The following STK39 variants were observed in gnomAD, a reference collection of about 807,000 sequenced individuals.
STK39 encodes the protein serine/threonine kinase 39, also known as STE20/SPS1-related proline-alanine-rich protein kinase.
STK39 carries 20 observed loss-of-function variants against 77.8 expected under a neutral mutation model. The observed-to-expected ratio is 0.26, with a 90% CI of 0.18 to 0.37. The LOEUF is 0.37. Ranked by LOEUF, STK39 falls within the 10% of genes least tolerant of loss-of-function variation. STK39 has a pLI of 1.00. For missense variants in STK39, 479 were observed against 656.5 expected (o/e 0.73, Z 2.95); for synonymous variants, 246 against 234.1 (o/e 1.05, Z -0.47).
intron 1 of STK39, among the ~76,000 whole-genome samples, chr2:168,198,397 A>G (rs1415062990): frequency 1.3e-5 from 2 of 152,166 alleles, no homozygotes; most frequent in Non-Finnish European, 2.9e-5. Context: ...AATAATTTCA[A>G]AGGGATAACC....
Position 168,191,137 on chromosome 2 carries a change from C to A in STK39, c.209-9047G>T, listed in dbSNP as rs576828835. Among the ~76,000 whole-genome samples the A allele has an allele frequency of 8.2e-4, 125 of 152,320 alleles. 1 individual carries two copies. Among genetic ancestry groups the A allele is most frequent in the South Asian group, 2.3e-3 (11 of 4,830 alleles). On this transcript the variant is annotated intron_variant, in intron 1 of 17. Transcript: ENST00000355999. ...CCCTACTTCCAGGTCAGTCCCACTC[C>A]ATCCCTTCTTTGCAGCTATAGGCAC...
intron 5 of STK39, among the ~76,000 whole-genome samples, chr2:168,153,425 T>TA (rs1287442036): frequency 6.6e-6 from 1 of 152,158 alleles, no homozygotes; most frequent in East Asian, 1.9e-4. Flanking sequence ...TCAGAACCCT[T>TA]AGAGGGCTTC....
At chr2:168,021,001 T>C (rs1684555871) in intron 14 of STK39, among the ~76,000 whole-genome samples, 2 of 152,172 alleles carry the variant, frequency 1.3e-5, no homozygotes, top group Admixed American at 6.6e-5. Context: ...CAAACTAAAG[T>C]AGTCCAATAA....
chr2:168,197,606 T>C (rs981262340), intron 1 of STK39, among the ~76,000 whole-genome samples: 1 of 152,250 alleles, frequency 6.6e-6, no homozygotes, highest in Admixed American at 6.5e-5. Flanking sequence ...TATTCATGTG[T>C]ACTGCCCTCC....
At chr2:168,018,542 G>GAAAGAAAGAA (rs1684482221) in intron 14 of STK39, among the ~76,000 whole-genome samples, 1 of 95,074 alleles carries the variant, frequency 1.1e-5, no homozygotes, top group Admixed American at 1.2e-4. Flanking sequence ...AGAAAGAAAA[G>GAAAGAAAGAA]AAAGAAAGAA....
intron 14 of STK39, among the ~76,000 whole-genome samples, chr2:168,026,038 G>A (rs901065784): frequency 1.3e-5 from 2 of 152,220 alleles, no homozygotes; most frequent in African/African-American, 4.8e-5. Flanking sequence ...TTAACAAGCT[G>A]TGTGAAAACA....
chr2:168,240,886 A>C (rs6710621), intron 1 of STK39, among the ~76,000 whole-genome samples: 1,733 of 152,324 alleles, frequency 0.011, 36 homozygotes, highest in African/African-American at 0.039. Context: ...TGCCTTTCCA[A>C]AAGGAGAATG....
At chr2:168,231,656 C>T (rs1690458749) in intron 1 of STK39, among the ~76,000 whole-genome samples, 1 of 151,962 alleles carries the variant, frequency 6.6e-6, no homozygotes, top group Non-Finnish European at 1.5e-5. Flanking sequence ...GAGAACAGAT[C>T]TTTGCTTCTC....
intron 14 of STK39, among the ~76,000 whole-genome samples, chr2:168,054,889 A>G (rs1416333208): frequency 6.6e-6 from 1 of 152,154 alleles, no homozygotes; most frequent in African/African-American, 2.4e-5. Flanking sequence ...CTAACTACCC[A>G]TAGCTTCTTA....
At chr2:168,103,759 C>T (rs1339616454) in intron 10 of STK39, among the ~76,000 whole-genome samples, 3 of 152,134 alleles carry the variant, frequency 2.0e-5, no homozygotes, top group Admixed American at 2.0e-4. Context: ...TGACAGCTTC[C>T]TAAGAAAAAG....
chr2:168,068,080 C>T (rs1270637486), intron 12 of STK39, among the ~76,000 whole-genome samples: 5 of 152,144 alleles, frequency 3.3e-5, no homozygotes, highest in South Asian at 2.1e-4. Context: ...TACACTATTA[C>T]GAGAACAGTA....
At chr2:168,074,529 G>C (rs1001037558) in intron 12 of STK39, among the ~76,000 whole-genome samples, 10 of 152,172 alleles carry the variant, frequency 6.6e-5, no homozygotes. Flanking sequence ...TAAAAACCAA[G>C]ACCAACAGAC....
chr2:168,066,092 T>C (rs1420782183), intron 12 of STK39, among the ~76,000 whole-genome samples: 2 of 152,194 alleles, frequency 1.3e-5, no homozygotes, highest in Non-Finnish European at 2.9e-5. Context: ...AAGGTTCTCC[T>C]ATTTCTAAAC....
chr2:168,157,115 G>C (rs573155453), intron 5 of STK39, among the ~76,000 whole-genome samples: 2 of 152,280 alleles, frequency 1.3e-5, no homozygotes, highest in South Asian at 4.1e-4. Context: ...TTCATTGCAT[G>C]TTTTCCTAGC....
rs201523025 is a variant in STK39 at position 167,955,441 on chromosome 2, G to A, written c.*55C>T. On this transcript the variant is annotated 3_prime_UTR_variant, in exon 18 of 18. Transcript: ENST00000355999. ...TGGGCAGAAAGAGGGAGGGTTGAAGGGAGTAGGGGTGGCGGTGGGGCATGA... is the reference window on the plus strand; with the variant it reads ...TGGGCAGAAAGAGGGAGGGTTGAAGAGAGTAGGGGTGGCGGTGGGGCATGA... 2.0e-3 allele frequency: 3,057 copies of A among 1,551,304 alleles called. 5 individuals are homozygous for A. The highest frequency in any genetic ancestry group is 2.4e-3 in the Non-Finnish European group (2,658 of 1,130,274).
intron 17 of STK39, among the ~76,000 whole-genome samples, chr2:167,956,696 A>ACACACACACACT (rs776309488): frequency 4.1e-5 from 2 of 48,996 alleles, no homozygotes; most frequent in African/African-American, 8.0e-5. Flanking sequence ...ACACACACAC[A>ACACACACACACT]CTCTCTCTCT....
At chr2:168,153,253 T>G (rs1273664914) in intron 5 of STK39, among the ~76,000 whole-genome samples, 1 of 152,252 alleles carries the variant, frequency 6.6e-6, no homozygotes, top group Admixed American at 6.5e-5. Flanking sequence ...TCTTACTAAG[T>G]GCCACTTCCA....
chr2:168,227,401 A>G (rs1690335362), intron 1 of STK39, among the ~76,000 whole-genome samples: 1 of 152,242 alleles, frequency 6.6e-6, no homozygotes, highest in Non-Finnish European at 1.5e-5. Context: ...CTTAAAATTT[A>G]GCGGACCACA....
At chr2:167,990,421 G>C (rs1683672490) in intron 16 of STK39, among the ~76,000 whole-genome samples, 1 of 152,194 alleles carries the variant, frequency 6.6e-6, no homozygotes, top group Admixed American at 6.5e-5. Context: ...TTAGCAGAAG[G>C]TGAAATTTGG....
Sources: allele counts gnomAD v4.1 joint callset (sites outside exome capture counted in the v4.1 genomes callset), GRCh38; gene constraint gnomAD v4.1.1; transcripts MANE v1.5; gene names NCBI Gene and HGNC (gene_info 2026-07-23, HGNC 2026-07-21).